PHF14: variants seen among roughly 807,000 people sequenced by gnomAD.
PHF14 encodes the protein PHD finger protein 14.
Under a neutral mutation model 117.9 loss-of-function variants are expected in PHF14, and 55 were observed. The ratio of observed to expected loss-of-function variants is 0.47; its 90% CI spans 0.38 to 0.58. The LOEUF (loss-of-function observed/expected upper bound fraction) is 0.58, where lower values mean the gene tolerates loss of function less well. PHF14 is among the 20% of genes least tolerant of loss of function. The pLI is 0.00. For synonymous variants in PHF14, 409 were observed against 368.6 expected (o/e 1.11, Z -1.26); for missense variants, 978 against 1,122.2 (o/e 0.87, Z 1.84).
chr7:11,028,439 TG>T (rs1784002245), intron 6 of PHF14, among the ~76,000 whole-genome samples: 1 of 152,242 alleles, frequency 6.6e-6, no homozygotes, highest in African/African-American at 2.4e-5. Flanking sequence ...ATTTTAATTA[TG>T]GTTGTATTAT....
intron 17 of PHF14, among the ~76,000 whole-genome samples, chr7:11,122,396 CACATAT>C (rs1562476496): frequency 2.4e-4 from 30 of 123,516 alleles, no homozygotes; most frequent in Non-Finnish European, 4.3e-4. Flanking sequence ...TACATACACA[CACATAT>C]ATATATACAC....
At chr7:11,019,723 A>G (rs1008851055) in intron 5 of PHF14, among the ~76,000 whole-genome samples, 1 of 151,752 alleles carries the variant, frequency 6.6e-6, no homozygotes, top group African/African-American at 2.4e-5. Context: ...TATGTTTTTT[A>G]TTTCAATTTT....
At chr7:11,117,381 A>G (rs1002037928) in intron 17 of PHF14, among the ~76,000 whole-genome samples, 2 of 151,842 alleles carry the variant, frequency 1.3e-5, no homozygotes, top group African/African-American at 4.8e-5. Context: ...TCATATGCAT[A>G]GGAATTTCAT....
intron 14 of PHF14, 122 bp downstream of exon 14, chr7:11,051,902 T>A: frequency 1.3e-6 from 1 of 751,524 alleles, no homozygotes. Flanking sequence ...TATTGGTTAT[T>A]CTTAACAATT....
intron 5 of PHF14, among the ~76,000 whole-genome samples, chr7:11,022,204 A>G (rs1482571820): frequency 2.0e-5 from 3 of 152,146 alleles, no homozygotes; most frequent in Admixed American, 2.0e-4. Flanking sequence ...GCATCATTCA[A>G]ACTTTAATAA....
intron 17 of PHF14, among the ~76,000 whole-genome samples, chr7:11,114,925 T>G (rs1309627216): frequency 6.6e-6 from 1 of 152,098 alleles, no homozygotes; most frequent in Non-Finnish European, 1.5e-5. Flanking sequence ...GGGCTTTTTT[T>G]TCTTGCCCTT....
At chr7:11,103,903 C>G (rs1228990778) in intron 16 of PHF14, 1 of 980,618 alleles carries the variant, frequency 1.0e-6, no homozygotes, top group Admixed American at 6.2e-5. Context: ...TAATCTTTAG[C>G]AAAACTAGTA....
chr7:11,042,991 G>C (rs930741533), intron 13 of PHF14, among the ~76,000 whole-genome samples, 177 bp downstream of exon 13: 2 of 151,810 alleles, frequency 1.3e-5, no homozygotes, highest in Non-Finnish European at 2.9e-5. Flanking sequence ...TTTGAGAAAT[G>C]AGTTTTTCAT....
At chr7:10,999,354 G>A (rs1782775337) in intron 4 of PHF14, among the ~76,000 whole-genome samples, 1 of 152,086 alleles carries the variant, frequency 6.6e-6, no homozygotes, top group African/African-American at 2.4e-5. Context: ...CTGCTTTGAG[G>A]GTACTGTCTC....
rs1385280247 is a variant in PHF14 at position 11,130,015 on chromosome 7, C to T, written c.2772+18548C>T. On this transcript the variant is annotated intron_variant, in intron 17 of 17. Transcript: ENST00000634607. The surrounding 1 kb of genome is among the most constrained non-coding windows in gnomAD (Gnocchi z 4.2). ...TAAGTTATGCAGCAAAAAAAAGAAT[C>T]CCAAATTTTTAGTTGATTAATATAA... 6.6e-6 allele frequency among the ~76,000 whole-genome samples: 1 copy of T among 151,876 alleles called. No individual in the cohort carries two copies. Among genetic ancestry groups the T allele is most frequent in the African/African-American group, 2.4e-5 (1 of 41,374 alleles).
chr7:11,066,578 T>G (rs1401234834), intron 16 of PHF14, among the ~76,000 whole-genome samples: 1 of 152,240 alleles, frequency 6.6e-6, no homozygotes, highest in Non-Finnish European at 1.5e-5. Context: ...ATATGAGCTA[T>G]CTGAAATTAA....
chr7:11,104,676 T>G, intron 16 of PHF14: 1 of 944,650 alleles, frequency 1.1e-6, no homozygotes. Context: ...CGTTGTGCAT[T>G]GGAATCACAG....
Position 10,974,291 on chromosome 7 carries a change from G to T in PHF14, c.-33G>T. ...CTGGGCTCCTGCAGCCTCTCCCTAA[G>T]TCTTCTCCAAACGACCACCTCACGG... is the stretch of plus-strand genomic sequence containing the variant. On this transcript the variant is annotated 5_prime_UTR_variant, in exon 1 of 18. Coordinates refer to ENST00000634607, the MANE Select transcript of PHF14 (RefSeq NM_001007157.2). 6.3e-7 allele frequency: 1 copy of T among 1,582,020 alleles called. No homozygotes were observed. The highest frequency in any genetic ancestry group is 8.6e-7 in the Non-Finnish European group (1 of 1,162,668).
chr7:11,072,137 A>G (rs1785633364), intron 16 of PHF14, among the ~76,000 whole-genome samples: 1 of 152,208 alleles, frequency 6.6e-6, no homozygotes, highest in Non-Finnish European at 1.5e-5. Context: ...TAAGGGAAGC[A>G]TAGCGGTTTC....
intron 17 of PHF14, among the ~76,000 whole-genome samples, chr7:11,112,547 G>A (rs1288787721): frequency 6.6e-6 from 1 of 151,800 alleles, no homozygotes; most frequent in African/African-American, 2.4e-5. Context: ...CGAGGGAGGT[G>A]GATCATGAGG....
chr7:11,102,195 ATAT>A (rs1787116946), intron 16 of PHF14, among the ~76,000 whole-genome samples: 1 of 151,876 alleles, frequency 6.6e-6, no homozygotes, highest in African/African-American at 2.4e-5. Flanking sequence ...CATCATTTTA[ATAT>A]TATTTTCTTT....
chr7:11,138,160 C>T (rs1177336826), intron 17 of PHF14, among the ~76,000 whole-genome samples: 1 of 151,908 alleles, frequency 6.6e-6, no homozygotes, highest in Non-Finnish European at 1.5e-5. Flanking sequence ...CCTGCCTCAG[C>T]CTCCCGAGTA....
At chr7:11,129,525 A>G (rs1402507278) in intron 17 of PHF14, among the ~76,000 whole-genome samples, 4 of 149,372 alleles carry the variant, frequency 2.7e-5, no homozygotes, top group African/African-American at 4.9e-5. Context: ...CCAAATGAAA[A>G]TGCCTATTTT....
intron 3 of PHF14, among the ~76,000 whole-genome samples, chr7:10,989,300 C>T (rs1583334294): frequency 1.3e-5 from 2 of 151,492 alleles, no homozygotes; most frequent in South Asian, 4.2e-4. Context: ...ATGATGGCTC[C>T]AAATGTTACT....
Sources: allele counts gnomAD v4.1 joint callset (sites outside exome capture counted in the v4.1 genomes callset), GRCh38; gene constraint gnomAD v4.1.1; non-coding constraint Gnocchi (gnomAD v3.1); transcripts MANE v1.5; gene names NCBI Gene and HGNC (gene_info 2026-07-23, HGNC 2026-07-21).